Variants in NCOA3 observed in about 807,000 individuals in gnomAD.
NCOA3 encodes nuclear receptor coactivator 3.
In NCOA3, 51 loss-of-function variants were observed where a neutral mutation model predicts 158.8. That is an observed-to-expected ratio of 0.32 (90% CI 0.26 to 0.41). The LOEUF (loss-of-function observed/expected upper bound fraction) is 0.41, where lower values mean the gene tolerates loss of function less well. NCOA3 is among the 10% of genes least tolerant of loss of function. NCOA3 has a pLI of 1.00. For synonymous variants in NCOA3, 537 were observed against 592.4 expected (o/e 0.91, Z 1.36); for missense variants, 1,510 against 1,746.6 (o/e 0.86, Z 2.41).
intron 2 of NCOA3, 127 bp from the exon 3 acceptor site, chr20:47,622,102 T>A: frequency 1.8e-6 from 1 of 551,128 alleles, no homozygotes. Flanking sequence ...AAAAGAATAT[T>A]GAGAATTATC....
At position 47,652,330 on chromosome 20, in the gene NCOA3, A is replaced by G. The variant is rs72645302; in HGVS notation, c.3947-76A>G. On this transcript the variant is annotated intron_variant, in intron 20 of 22. Coordinates refer to ENST00000371998, the MANE Select transcript of NCOA3 (RefSeq NM_181659.3). ...CCCCACCTCCTTTAAAAAAAAAACAAAATTACTACAGAAATCTGATATTCT... is the reference window on the plus strand; with the variant it reads ...CCCCACCTCCTTTAAAAAAAAAACAGAATTACTACAGAAATCTGATATTCT... The G allele has an allele frequency of 1.4e-5, 19 of 1,396,010 alleles. No individual in the cohort carries two copies. The Admixed American group carries it at 2.3e-4, about 17-fold the overall frequency. 86.5% of individuals were successfully genotyped at this position (1,396,010 alleles called of 1,614,324 possible).
chr20:47,538,775 A>AC lies in NCOA3; in HGVS notation c.-99+36758dup, dbSNP rs1455178800. 5.9e-5 allele frequency among the ~76,000 whole-genome samples: 9 copies of AC among 152,216 alleles called. No homozygotes were observed. The East Asian group carries it at 1.7e-3, about 29-fold the overall frequency. On this transcript the variant is annotated intron_variant, in intron 1 of 22. Coordinates refer to ENST00000371998, the MANE Select transcript of NCOA3 (RefSeq NM_181659.3). ...TGGCCAGGCTGGTCTCGAACTCCTGACCTCATGATCCTCCCACCTTGGCCT... is the reference window on the plus strand; with the variant it reads ...TGGCCAGGCTGGTCTCGAACTCCTGACCCTCATGATCCTCCCACCTTGGCCT...
At chr20:47,601,144 A>G (rs2085855634) in intron 2 of NCOA3, among the ~76,000 whole-genome samples, 1 of 152,208 alleles carries the variant, frequency 6.6e-6, no homozygotes. Context: ...GCCTTGTGCC[A>G]TGTCGTAACA....
intron 12 of NCOA3, 107 bp downstream of exon 12, chr20:47,636,869 CTT>C (rs977508911): frequency 4.9e-5 from 48 of 989,464 alleles, no homozygotes; most frequent in Non-Finnish European, 6.5e-5. Context: ...AAAGTTAAAT[CTT>C]TAGCTCTCAT....
chr20:47,601,468 G>A (rs1255262661), intron 2 of NCOA3, among the ~76,000 whole-genome samples: 1 of 152,088 alleles, frequency 6.6e-6, no homozygotes, highest in Non-Finnish European at 1.5e-5. Flanking sequence ...TCGTTAGATC[G>A]GTAATAATAT....
chr20:47,624,831 G>C (rs1001157660), intron 4 of NCOA3, among the ~76,000 whole-genome samples: 13 of 152,078 alleles, frequency 8.5e-5, no homozygotes, highest in Admixed American at 4.6e-4. Flanking sequence ...GGAGTGCAGT[G>C]GTGTGATCTC....
Position 47,625,501 on chromosome 20 carries a change from C to A in NCOA3, c.357+20C>A. 6.7e-7 allele frequency: 1 copy of A among 1,498,310 alleles called. No individual in the cohort carries two copies. Among genetic ancestry groups the A allele is most frequent in the Non-Finnish European group, 9.3e-7 (1 of 1,074,722 alleles). 92.8% of individuals were successfully genotyped at this position (1,498,310 alleles called of 1,614,324 possible). A position where few individuals can be genotyped will look rare whatever the true frequency, so the allele number is the denominator to read the frequency against. On this transcript the variant is annotated intron_variant, in intron 5 of 22. Transcript: ENST00000371998. ...CTTCAGGCAAGTATAAAGATTTTAA[C>A]TGTCCAGTAGGCTGTATTGCCCTTT... is the stretch of plus-strand genomic sequence containing the variant.
At position 47,637,753 on chromosome 20, in the gene NCOA3, C is replaced by A; in HGVS notation, c.2482C>A (p.Gln828Lys). The A allele has an allele frequency of 2.5e-6, 4 of 1,607,838 alleles. No individual in the cohort carries two copies. In the South Asian group the frequency reaches 4.5e-5, roughly 18 times the overall value. ...AAATGGTAGTCATCTGGGGACTAAG[C>A]AACAGGTGTTTCAAGGAACTAATTC... ...SSNGSHLGTKQQVFQGTNSLG... is the reference protein window; with the variant it reads ...SSNGSHLGTKKQVFQGTNSLG... The change falls in exon 13 of 23, where the codon CAA becomes AAA. Residue 828 changes from glutamine to lysine, a missense_variant. Gln to Lys is a moderately conservative substitution (Grantham distance 53, BLOSUM62 1). Transcript: ENST00000371998.
In NCOA3 at chr20:47,651,187, T is replaced by C; in HGVS notation, c.3857T>C (p.Val1286Ala). 6.2e-7 allele frequency: 1 copy of C among 1,614,014 alleles called. No individual in the cohort carries two copies. Among genetic ancestry groups the C allele is most frequent in the Non-Finnish European group, 8.5e-7 (1 of 1,179,984 alleles). ...QTQAFSPPPN[V>A]TASPSMDGLL... ...CAGGCCTTCAGCCCACCTCCTAATGTGACTGCTTCCCCCAGCATGGATGGG... is the reference window on the plus strand; with the variant it reads ...CAGGCCTTCAGCCCACCTCCTAATGCGACTGCTTCCCCCAGCATGGATGGG... The change falls in exon 20 of 23, where the codon GTG becomes GCG. Residue 1286 changes from valine (V) to alanine (A), a missense_variant. Around this residue, in one of 4 missense-constraint regions of NCOA3, gnomAD observed 180 missense variants for 199.3 expected, o/e 0.90. Transcript: ENST00000371998.
chr20:47,596,975 T>C (rs758262846), intron 2 of NCOA3, among the ~76,000 whole-genome samples: 8 of 152,240 alleles, frequency 5.3e-5, no homozygotes, highest in Non-Finnish European at 1.0e-4. Flanking sequence ...TTATTTATCA[T>C]AGGATTAGCA....
At position 47,654,333 on chromosome 20, in the gene NCOA3, T is replaced by G. The variant is rs2086841239; in HGVS notation, c.*916T>G. 1 of 152,668 alleles carries G rather than the reference T, an allele frequency of 6.6e-6. No homozygotes were observed. Among genetic ancestry groups the G allele is most frequent in the Non-Finnish European group, 1.5e-5 (1 of 68,040 alleles). 9.5% of individuals were successfully genotyped at this position (152,668 alleles called of 1,614,324 possible). On this transcript the variant is annotated 3_prime_UTR_variant, in exon 23 of 23. Transcript: ENST00000371998. ...AAACTTCTGAAAACCCAAGGCCAGG[T>G]ACTGCATTCTGAATCAGAATCTCGC...
At chr20:47,555,669 C>T (rs1307526373) in intron 1 of NCOA3, among the ~76,000 whole-genome samples, 4 of 126,908 alleles carry the variant, frequency 3.2e-5, no homozygotes, top group African/African-American at 1.2e-4. Context: ...GACAGAGTCT[C>T]GCCCTGTCGC....
At chr20:47,556,252 A>G (rs892211289) in intron 1 of NCOA3, among the ~76,000 whole-genome samples, 5 of 152,180 alleles carry the variant, frequency 3.3e-5, no homozygotes, top group African/African-American at 1.2e-4. Context: ...GTTATTTTGT[A>G]TTCCACATGT....
At chr20:47,562,096 C>T (rs1157800567) in intron 1 of NCOA3, among the ~76,000 whole-genome samples, 1 of 152,016 alleles carries the variant, frequency 6.6e-6, no homozygotes, top group Non-Finnish European at 1.5e-5. Flanking sequence ...GACTTGATAG[C>T]GTATTTCTTT....
chr20:47,638,942 T>C, intron 13 of NCOA3, 66 bp from the exon 14 acceptor site: 3 of 1,265,358 alleles, frequency 2.4e-6, no homozygotes, highest in Non-Finnish European at 3.2e-6. Flanking sequence ...GTGGTATTTG[T>C]GTTTTGTACT....
At chr20:47,583,049 C>T in intron 1 of NCOA3, 134 bp from the exon 2 acceptor site, 2 of 389,806 alleles carry the variant, frequency 5.1e-6, no homozygotes, top group Non-Finnish European at 9.1e-6. Flanking sequence ...CCCGCCTTGC[C>T]TCCCAAAGTG....
intron 16 of NCOA3, among the ~76,000 whole-genome samples, chr20:47,641,737 C>T (rs67558870): frequency 0.021 from 3,152 of 151,492 alleles, 121 homozygotes; most frequent in African/African-American, 0.072. Flanking sequence ...CCTCGTGATC[C>T]GCCCGCCTCG....
At chr20:47,640,971 C>A (rs1279405327) in intron 16 of NCOA3, among the ~76,000 whole-genome samples, 3 of 152,024 alleles carry the variant, frequency 2.0e-5, no homozygotes, top group Non-Finnish European at 2.9e-5. Context: ...TGGTCAATGT[C>A]AGCTCTAACA....
In NCOA3 at chr20:47,639,509, T is replaced by C. The variant is rs2086569563; in HGVS notation, c.2708-68T>C. On this transcript the variant is annotated intron_variant, in intron 14 of 22. Coordinates refer to ENST00000371998, the MANE Select transcript of NCOA3 (RefSeq NM_181659.3). ...AGGTTGATGTTGTGTATAATGGCTG[T>C]ACTTACATGGTATAAGAAGGATTTC... 7 of 1,573,914 alleles carry C rather than the reference T, an allele frequency of 4.4e-6. No individual in the cohort carries two copies. In the South Asian group the frequency reaches 8.2e-5, roughly 18 times the overall value.
Sources: gnomAD v4.1 joint callset for allele counts (sites outside exome capture counted in the v4.1 genomes callset) on GRCh38, gnomAD v4.1.1 for gene constraint, gnomAD v4.1.1 regional missense constraint, MANE v1.5 for transcripts, NCBI Gene and HGNC (gene_info 2026-07-23, HGNC 2026-07-21) for gene names.